The following PABPN1 variants were observed in gnomAD, a reference collection of about 807,000 sequenced individuals.
The protein encoded by PABPN1 is polyadenylate-binding protein 2.
In PABPN1, 5 loss-of-function variants were observed where a neutral mutation model predicts 33.4. That is an observed-to-expected ratio of 0.15 (90% CI 0.08 to 0.32). The LOEUF (loss-of-function observed/expected upper bound fraction) is 0.32, where lower values mean the gene tolerates loss of function less well. PABPN1 is among the 10% of genes least tolerant of loss of function. The pLI is 1.00. For missense variants in PABPN1, 312 were observed against 425.8 expected (o/e 0.73, Z 2.35); for synonymous variants, 176 against 170.6 (o/e 1.03, Z -0.25).
At chr14:23,323,549 A>G in intron 4 of PABPN1, 66 bp downstream of exon 4, 1 of 1,437,738 alleles carries the variant, frequency 7.0e-7, no homozygotes, top group Non-Finnish European at 9.8e-7. Flanking sequence ...ATTATGTTTT[A>G]TATTGAGCAG....
At chr14:23,323,517 A>G (rs749202419) in intron 4 of PABPN1, 34 bp downstream of exon 4, 4 of 1,560,894 alleles carry the variant, frequency 2.6e-6, no homozygotes, top group Non-Finnish European at 3.5e-6. Context: ...GATAATTTAA[A>G]TTACAGTGTA....
At position 23,325,333 on chromosome 14, in the gene PABPN1, G is replaced by T; in HGVS notation, c.*47G>T. ...GAGAGAGGAAAAAAAGAGGAAAGAA[G>T]GAAAAAAAAAAGAATTAAAAAAAAA... On this transcript the variant is annotated 3_prime_UTR_variant, in exon 7 of 7. Coordinates refer to ENST00000216727, the MANE Select transcript of PABPN1 (RefSeq NM_004643.4). 1 of 1,353,912 alleles carries T rather than the reference G, an allele frequency of 7.4e-7. No homozygotes were observed. Among genetic ancestry groups the T allele is most frequent in the Non-Finnish European group, 9.8e-7 (1 of 1,018,970 alleles). The allele number at this position is 1,353,912 out of a possible 1,614,324, so 83.9% of individuals were successfully genotyped here.
At chr14:23,323,328 T>C (rs1401183553) in intron 3 of PABPN1, 49 bp from the exon 4 acceptor site, 6 of 1,591,252 alleles carry the variant, frequency 3.8e-6, no homozygotes, top group South Asian at 1.1e-5. Context: ...GGGTTCCTTT[T>C]GAGACAGGAA....
chr14:23,324,468 T>G, intron 6 of PABPN1, 179 bp downstream of exon 6: 1 of 759,172 alleles, frequency 1.3e-6, no homozygotes. Flanking sequence ...GCCAGCCTCA[T>G]CATCTTTTCT....
At position 23,322,364 on chromosome 14, in the gene PABPN1, A is replaced by G. The variant is rs189640889; in HGVS notation, c.466+69A>G. 1.0e-5 allele frequency: 14 copies of G among 1,391,582 alleles called. No individual in the cohort carries two copies. In the South Asian group the frequency reaches 1.5e-4, roughly 15 times the overall value. 86.2% of individuals were successfully genotyped at this position (1,391,582 alleles called of 1,614,324 possible). On this transcript the variant is annotated intron_variant, in intron 2 of 6. Transcript: ENST00000216727. ...GGAAGGGTTGTGGGGAGGATGGGGA[A>G]TGTGGGGTTAGATACTCGGCACCCT...
chr14:23,324,905 C>T, intron 6 of PABPN1: 3 of 295,976 alleles, frequency 1.0e-5, no homozygotes, highest in Non-Finnish European at 1.9e-5. Context: ...CCTGCCTATC[C>T]CCAGGAGTTA....
At chr14:23,322,953 G>C (rs898230920) in intron 2 of PABPN1, 46 bp from the exon 3 acceptor site, 20 of 1,613,154 alleles carry the variant, frequency 1.2e-5, no homozygotes, top group African/African-American at 9.3e-5. Context: ...TGGTCAAGTA[G>C]AAAACAAGTG....
At chr14:23,322,860 G>A (rs567793528) in intron 2 of PABPN1, 139 bp from the exon 3 acceptor site, 3 of 1,023,116 alleles carry the variant, frequency 2.9e-6, no homozygotes, top group East Asian at 2.4e-5. Context: ...CTCGGTTGTG[G>A]GTACAGCAGG....
At chr14:23,322,683 G>T (rs777177310) in intron 2 of PABPN1, 4 of 473,810 alleles carry the variant, frequency 8.4e-6, no homozygotes, top group Non-Finnish European at 1.5e-5. Context: ...GAAATGTGGA[G>T]TCTCAGCCCA....
Position 23,325,528 on chromosome 14 carries a change from T to C in PABPN1, c.*242T>C. The stretch of plus-strand genomic sequence containing the variant: ...GGGGGCTGCTTATTCACTCTGGGGA[T>C]TCGCCATGGACACGTCTCAACTGCG... On this transcript the variant is annotated 3_prime_UTR_variant, in exon 7 of 7. Coordinates refer to ENST00000216727, the MANE Select transcript of PABPN1 (RefSeq NM_004643.4). 1 of 549,556 alleles carries C rather than the reference T, an allele frequency of 1.8e-6. No individual in the cohort carries two copies. Among genetic ancestry groups the C allele is most frequent in the Non-Finnish European group, 3.2e-6 (1 of 314,202 alleles). The allele number at this position is 549,556 out of a possible 1,614,324, so 34.0% of individuals were successfully genotyped here.
chr14:23,321,621 A>G lies in PABPN1; in HGVS notation c.152A>G (p.Glu51Gly). Residue 51 changes from glutamate to glycine, a missense_variant, in exon 1 of 7, where the codon GAG (glutamate) becomes GGG (glycine). Physicochemically the swap from Glu to Gly is moderately conservative, Grantham distance 98. Around this residue, in one of 3 missense-constraint regions of PABPN1, gnomAD observed 167 missense variants for 168.9 expected, o/e 0.99. Coordinates refer to ENST00000216727, the MANE Select transcript of PABPN1 (RefSeq NM_004643.4). ...GCAGGGGACTACGGGAACGGCCTGG[A>G]GTCTGAGGAACTGGAGCCTGAGGAG... ...GGAGDYGNGL[E>G]SEELEPEELL... The G allele has an allele frequency of 6.6e-7, 1 of 1,516,546 alleles. No individual in the cohort carries two copies. 93.9% of individuals were successfully genotyped at this position (1,516,546 alleles called of 1,614,324 possible). A position where few individuals can be genotyped will look rare whatever the true frequency, so the allele number is the denominator to read the frequency against.
At position 23,323,397 on chromosome 14, in the gene PABPN1, A is replaced by G. The variant is rs1168036283; in HGVS notation, c.555A>G (p.Ala185=). 1.2e-6 allele frequency: 2 copies of G among 1,613,434 alleles called. No individual in the cohort carries two copies. Among genetic ancestry groups the G allele is most frequent in the African/African-American group, 2.7e-5 (2 of 74,918 alleles). ...YVGNVDYGAT[A]EELEAHFHGC... is the part of the protein sequence containing the mutation. ...ATCAGGTGGACTATGGTGCAACAGC[A>G]GAAGAGCTGGAAGCTCACTTTCATG... The change falls in exon 4 of 7, where the codon GCA becomes GCG. Residue 185 remains alanine, a synonymous_variant. Transcript: ENST00000216727.
rs752252926 is a variant in PABPN1, at chr14:23,325,334, GAAAAAAAAAAGAATTAAAA to G, written c.*62_*80del. On this transcript the variant is annotated 3_prime_UTR_variant, in exon 7 of 7. Coordinates refer to ENST00000216727, the MANE Select transcript of PABPN1 (RefSeq NM_004643.4). ...AGAGAGGAAAAAAAGAGGAAAGAAG[GAAAAAAAAAAGAATTAAAA>G]AAAAAAAAAAGAAAAACAGAAGATG... is the stretch of plus-strand genomic sequence containing the variant. 1 of 1,070,546 alleles carries G rather than the reference GAAAAAAAAAAGAATTAAAA, an allele frequency of 9.3e-7. No individual in the cohort carries two copies. Among genetic ancestry groups the G allele is most frequent in the East Asian group, 3.1e-5 (1 of 32,736 alleles). The allele number at this position is 1,070,546 out of a possible 1,614,324, so 66.3% of individuals were successfully genotyped here.
rs778129238 is a variant in PABPN1, at chr14:23,324,238, G to A, written c.830G>A (p.Arg277His). The change falls in exon 6 of 7, where the codon CGC becomes CAC. Residue 277 changes from arginine to histidine, a missense_variant. By Grantham distance (29) the Arg-to-His change is conservative. Around this residue, in one of 3 missense-constraint regions of PABPN1, gnomAD observed 68 missense variants for 71.1 expected, o/e 0.96. Transcript: ENST00000216727. ...CGGACCACCAACTACAACAGCTCCC[G>A]CTCTCGATTCTACAGTGGTTTTAAC... Reference protein sequence around the residue: ...RARTTNYNSSRSRFYSGFNSR... With the variant: ...RARTTNYNSSHSRFYSGFNSR... 40 of 1,613,934 alleles carry A rather than the reference G, an allele frequency of 2.5e-5. No individual in the cohort carries two copies. The highest frequency in any genetic ancestry group is 3.3e-5 in the Non-Finnish European group (39 of 1,180,044).
At chr14:23,323,559 G>A (rs1467874355) in intron 4 of PABPN1, 76 bp downstream of exon 4, 1 of 1,378,536 alleles carries the variant, frequency 7.3e-7, no homozygotes, top group Non-Finnish European at 1.0e-6. Flanking sequence ...ATATTGAGCA[G>A]TAAGTTATTT....
Position 23,322,308 on chromosome 14 carries a change from C to G in PABPN1, c.466+13C>G. The G allele has an allele frequency of 1.3e-6, 2 of 1,583,330 alleles. No individual in the cohort carries two copies. Among genetic ancestry groups the G allele is most frequent in the East Asian group, 2.3e-5 (1 of 43,742 alleles). ...CCTCCAGGCAATGGTGAGTAACTGG[C>G]GGTTGCACGCGGAGCCCGGGTTCTC... On this transcript the variant is annotated intron_variant, in intron 2 of 6. Transcript: ENST00000216727.
chr14:23,325,399 T>G lies in PABPN1; in HGVS notation c.*113T>G. ...AGATGACCTTGATGGAAAAAAAATATTTTTTAAAAAAAAGATATACTGTGG... is the reference window on the plus strand; with the variant it reads ...AGATGACCTTGATGGAAAAAAAATAGTTTTTAAAAAAAAGATATACTGTGG... On this transcript the variant is annotated 3_prime_UTR_variant, in exon 7 of 7. Transcript: ENST00000216727. 1 of 1,336,522 alleles carries G rather than the reference T, an allele frequency of 7.5e-7. No homozygotes were observed. Among genetic ancestry groups the G allele is most frequent in the Non-Finnish European group, 1.0e-6 (1 of 989,992 alleles). The allele number at this position is 1,336,522 out of a possible 1,614,324, so 82.8% of individuals were successfully genotyped here. A position where few individuals can be genotyped will look rare whatever the true frequency, so the allele number is the denominator to read the frequency against.
chr14:23,321,702 G>T lies in PABPN1; in HGVS notation c.233G>T (p.Arg78Leu). ...CCCGAAGAGGAGCCGCCCCGGCCCC[G>T]CGCCCCCCCGGGAGCTCCGGGCCCT... ...PEPEEEPPRP[R>L]APPGAPGPGP... The change falls in exon 1 of 7, where the codon CGC becomes CTC. Residue 78 changes from arginine (R) to leucine (L), a missense_variant. Coordinates refer to ENST00000216727, the MANE Select transcript of PABPN1 (RefSeq NM_004643.4). 1.4e-5 allele frequency: 21 copies of T among 1,538,424 alleles called. No homozygotes were observed. Among genetic ancestry groups the T allele is most frequent in the Non-Finnish European group, 1.8e-5 (20 of 1,140,178 alleles).
In PABPN1 at chr14:23,322,013, T is replaced by G. The variant is rs10438012; in HGVS notation, c.352-168T>G. 0.92 allele frequency: 733,672 copies of G among 795,810 alleles called. 339,188 individuals are homozygous for G. The highest frequency in any genetic ancestry group is 0.97 in the East Asian group (36,095 of 37,396). 49.3% of individuals were successfully genotyped at this position (795,810 alleles called of 1,614,324 possible). A position where few individuals can be genotyped will look rare whatever the true frequency, so the allele number is the denominator to read the frequency against. On this transcript the variant is annotated intron_variant, in intron 1 of 6. Coordinates refer to ENST00000216727, the MANE Select transcript of PABPN1 (RefSeq NM_004643.4). ...GACTGGCTTGATTCGGGCGTCACGG[T>G]TGCCTAGTGTTGTTCTAGAGAGGGT...
Sources: gnomAD v4.1 joint callset for allele counts on GRCh38, gnomAD v4.1.1 for gene constraint, gnomAD v4.1.1 regional missense constraint, MANE v1.5 for transcripts, NCBI Gene and HGNC (gene_info 2026-07-23, HGNC 2026-07-21) for gene names.